Variants in SLIT3 observed in about 807,000 individuals in gnomAD.
SLIT3 encodes slit homolog 3 protein.
A neutral mutation model predicts 184.0 loss-of-function variants in SLIT3; 68 were observed. That is an observed-to-expected ratio of 0.37 (90% CI 0.30 to 0.45). The LOEUF (loss-of-function observed/expected upper bound fraction) is 0.45. SLIT3 is among the 20% of genes least tolerant of loss of function. The pLI, the probability that SLIT3 is intolerant of heterozygous loss-of-function variation, is 1.00. For synonymous variants in SLIT3, 831 were observed against 828.6 expected (o/e 1.00, Z -0.05); for missense variants, 1,707 against 2,026.0 (o/e 0.84, Z 3.02).
intron 4 of SLIT3, among the ~76,000 whole-genome samples, chr5:168,890,434 A>G (rs1358280994): frequency 1.3e-5 from 2 of 152,332 alleles, no homozygotes; most frequent in Admixed American, 1.3e-4. Flanking sequence ...CAAAGATATT[A>G]TCAAGAATTG....
At chr5:168,962,657 G>C (rs1308258161) in intron 4 of SLIT3, among the ~76,000 whole-genome samples, 1 of 152,160 alleles carries the variant, frequency 6.6e-6, no homozygotes, top group Non-Finnish European at 1.5e-5. Flanking sequence ...GGCCCCCCAG[G>C]GCAGCCTGAG....
At chr5:168,844,872 G>T in intron 5 of SLIT3, 1 of 485,728 alleles carries the variant, frequency 2.1e-6, no homozygotes, top group Admixed American at 3.4e-5. Context: ...AAGGCTGTCA[G>T]GTCTCAGTAA....
intron 4 of SLIT3, among the ~76,000 whole-genome samples, chr5:169,047,982 CA>C (rs1418177841): frequency 2.6e-5 from 4 of 151,948 alleles, no homozygotes; most frequent in East Asian, 1.9e-4. Context: ...AGGAAGAAAG[CA>C]GGAGGAAGGA....
At chr5:168,858,032 C>T (rs1248851726) in intron 5 of SLIT3, among the ~76,000 whole-genome samples, 1 of 152,238 alleles carries the variant, frequency 6.6e-6, no homozygotes, top group Admixed American at 6.5e-5. Flanking sequence ...GTCTTAGAAA[C>T]AGCATATTTT....
intron 6 of SLIT3, among the ~76,000 whole-genome samples, chr5:168,842,469 G>GTTTTTTTTTTGTTTTTTTTTT (rs1758295400): frequency 5.7e-5 from 5 of 88,094 alleles, no homozygotes; most frequent in African/African-American, 2.4e-4. Context: ...CCGTTTTTTC[G>GTTTTTTTTTTGTTTTTTTTTT]TTTTTTTTTT....
In SLIT3 at chr5:169,080,751, G is replaced by A. The variant is rs10035793; in HGVS notation, c.413+112728C>T. Reference sequence around the variant, plus strand: ...TTTAACTTCTATCCTGCATGCTGCAGTTACGTCCTCAGCTGGCTGCCTTTC... The same window carrying A: ...TTTAACTTCTATCCTGCATGCTGCAATTACGTCCTCAGCTGGCTGCCTTTC... On this transcript the variant is annotated intron_variant, in intron 4 of 35. Transcript: ENST00000519560. Among the ~76,000 whole-genome samples, 378 of 152,278 alleles carry A rather than the reference G, an allele frequency of 2.5e-3. 4 individuals are homozygous for A. The highest frequency in any genetic ancestry group is 8.8e-3 in the African/African-American group (365 of 41,572).
At chr5:168,891,097 A>G (rs1388154307) in intron 4 of SLIT3, among the ~76,000 whole-genome samples, 1 of 152,210 alleles carries the variant, frequency 6.6e-6, no homozygotes, top group Admixed American at 6.5e-5. Flanking sequence ...GCAGTATATA[A>G]TGCAAATTCC....
intron 4 of SLIT3, among the ~76,000 whole-genome samples, chr5:168,931,546 C>A (rs1044161050): frequency 6.6e-5 from 10 of 152,034 alleles, no homozygotes; most frequent in African/African-American, 2.2e-4. Flanking sequence ...TCTCAAGTCA[C>A]AATTTTAGAG....
chr5:168,932,161 G>T (rs962116355), intron 4 of SLIT3, among the ~76,000 whole-genome samples: 2 of 151,766 alleles, frequency 1.3e-5, no homozygotes, highest in Non-Finnish European at 2.9e-5. Context: ...GGTGCTCCCT[G>T]GTAAGCAGCC....
At chr5:168,684,208 T>G in intron 31 of SLIT3, 112 bp from the exon 32 acceptor site, 9 of 1,126,636 alleles carry the variant, frequency 8.0e-6, no homozygotes, top group Non-Finnish European at 8.5e-6. Context: ...GTGCTGCGTC[T>G]AAATTCATGT....
At chr5:169,079,686 AGAGGAGGAGGAGGGAAGAG>A (rs1758911289) in intron 4 of SLIT3, among the ~76,000 whole-genome samples, 1 of 36,826 alleles carries the variant, frequency 2.7e-5, no homozygotes, top group African/African-American at 1.2e-4. Context: ...GGAGGAGGGA[AGAGGAGGAGGAGGGAAGAG>A]GAGGAGGAGG....
At chr5:169,084,045 A>C (rs963376933) in intron 4 of SLIT3, among the ~76,000 whole-genome samples, 1 of 152,156 alleles carries the variant, frequency 6.6e-6, no homozygotes, top group Admixed American at 6.5e-5. Context: ...CTTTTCCAAA[A>C]GTGTGCTTGT....
At chr5:169,257,162 G>A (rs1466769513) in intron 1 of SLIT3, among the ~76,000 whole-genome samples, 2 of 152,104 alleles carry the variant, frequency 1.3e-5, no homozygotes, top group South Asian at 2.1e-4. Context: ...TTCTCATCAC[G>A]ATTACAGGAG....
intron 4 of SLIT3, among the ~76,000 whole-genome samples, chr5:168,980,816 G>A (rs1170110596): frequency 1.3e-5 from 2 of 152,162 alleles, no homozygotes; most frequent in Non-Finnish European, 2.9e-5. Context: ...AGAATACCAT[G>A]CAAGTATTCA....
chr5:169,071,599 T>C (rs1021788785), intron 4 of SLIT3, among the ~76,000 whole-genome samples: 3 of 152,220 alleles, frequency 2.0e-5, no homozygotes, highest in Non-Finnish European at 2.9e-5. Context: ...CTGTGCTCCA[T>C]ATTTCCTCCC....
chr5:169,145,351 T>C (rs762789573), intron 4 of SLIT3, among the ~76,000 whole-genome samples: 1 of 152,144 alleles, frequency 6.6e-6, no homozygotes, highest in African/African-American at 2.4e-5. Context: ...GGTAGAGACA[T>C]TGCAGGGCGT....
chr5:169,012,374 T>C (rs1756189175), intron 4 of SLIT3: 1 of 152,226 alleles, frequency 6.6e-6, no homozygotes, highest in Non-Finnish European at 1.5e-5. Flanking sequence ...AGTGCTCTGC[T>C]CAGAGTGCAG....
chr5:169,149,224 T>G (rs1362014223), intron 4 of SLIT3, among the ~76,000 whole-genome samples: 1 of 152,236 alleles, frequency 6.6e-6, no homozygotes, highest in Non-Finnish European at 1.5e-5. Flanking sequence ...AGATTTTATT[T>G]GATTGCTTAT....
intron 8 of SLIT3, among the ~76,000 whole-genome samples, chr5:168,816,238 G>C (rs2113654045): frequency 6.6e-6 from 1 of 152,298 alleles, no homozygotes; most frequent in South Asian, 2.1e-4. Flanking sequence ...CCAGGATGGA[G>C]TACAGTGGTG....
Sources: gnomAD v4.1 joint callset for allele counts (sites outside exome capture counted in the v4.1 genomes callset) on GRCh38, gnomAD v4.1.1 for gene constraint, MANE v1.5 for transcripts, NCBI Gene and HGNC (gene_info 2026-07-23, HGNC 2026-07-21) for gene names.